The following MEIG1 variants were observed in gnomAD, a reference collection of about 807,000 sequenced individuals.
The protein encoded by MEIG1 is meiosis expressed gene 1 protein homolog.
A neutral mutation model predicts 11.3 loss-of-function variants in MEIG1; 12 were observed. That is an observed-to-expected ratio of 1.07 (90% CI 0.68 to 1.73). MEIG1 has a LOEUF of 1.73. Among genes scored for constraint, MEIG1 ranks in the 40% most tolerant of loss-of-function variants. The probability of loss-of-function intolerance (pLI) is 0.00; values close to 1 mark genes in which losing one functional copy is unlikely to be tolerated. For synonymous variants in MEIG1, 41 were observed against 33.2 expected (o/e 1.24, Z -0.81); for missense variants, 119 against 104.9 (o/e 1.13, Z -0.59).
chr10:14,956,437 C>G (rs1284289587), upstream of MEIG1, among the ~76,000 whole-genome samples: 2 of 150,682 alleles, frequency 1.3e-5, no homozygotes, highest in African/African-American at 4.9e-5. Flanking sequence ...AAAAAAATAG[C>G]CAGGCATGGA....
chr10:14,987,599 C>T, intron 2 of MEIG1: 1 of 542,598 alleles, frequency 1.8e-6, no homozygotes, highest in South Asian at 2.0e-5. Context: ...TTCCAAAAAT[C>T]TCAGAATTTT....
At chr10:14,979,798 C>A (rs936658632) in intron 1 of MEIG1, among the ~76,000 whole-genome samples, 1 of 152,010 alleles carries the variant, frequency 6.6e-6, no homozygotes, top group Admixed American at 6.6e-5. Context: ...ATGGTGTACA[C>A]CCTGTGATAT....
chr10:14,973,769 CAAAAAA>C (rs59507280), downstream of MEIG1, among the ~76,000 whole-genome samples: 5 of 90,468 alleles, frequency 5.5e-5, no homozygotes, highest in South Asian at 2.2e-3. Flanking sequence ...GACTCCATCT[CAAAAAA>C]AAAAAAAAAA....
chr10:14,973,273 A>G (rs558450413), downstream of MEIG1, among the ~76,000 whole-genome samples: 2 of 152,320 alleles, frequency 1.3e-5, no homozygotes, highest in Non-Finnish European at 2.9e-5. Context: ...AGATAGTCTT[A>G]GTGCTCCACC....
chr10:14,965,369 C>T (rs1293328509), intron 1 of MEIG1, among the ~76,000 whole-genome samples: 2 of 152,118 alleles, frequency 1.3e-5, no homozygotes, highest in Admixed American at 6.6e-5. Context: ...TATGGAAGTT[C>T]GGTGAATAGA....
chr10:14,981,384 C>T lies in MEIG1; in HGVS notation n.67-5412C>T, dbSNP rs1645176872. ...TCAGCTTGCTGAGCAAGTCCCTTCCCAGCAAGGTCAAGGGACGGTCTGGCA... is the reference window on the plus strand; with the variant it reads ...TCAGCTTGCTGAGCAAGTCCCTTCCTAGCAAGGTCAAGGGACGGTCTGGCA... On this transcript the variant is annotated intron_variant and non_coding_transcript_variant, in intron 1 of 2. Transcript: ENST00000467536. Among the ~76,000 whole-genome samples, 6 of 152,106 alleles carry T rather than the reference C, an allele frequency of 3.9e-5. 1 individual carries two copies. The South Asian group carries it at 1.2e-3, about 32-fold the overall frequency.
chr10:14,970,107 G>C (rs1361830360), intron 2 of MEIG1: 1 of 152,190 alleles, frequency 6.6e-6, no homozygotes, highest in Non-Finnish European at 1.5e-5. Flanking sequence ...GCTTGCTTTG[G>C]GTGGGATGTT....
chr10:14,974,630 A>T (rs537297231), downstream of MEIG1, among the ~76,000 whole-genome samples: 60 of 152,294 alleles, frequency 3.9e-4, no homozygotes, highest in African/African-American at 1.4e-3. Context: ...TGAGACTAAT[A>T]ACTATCAATA....
chr10:14,982,056 C>T (rs1357818815), intron 1 of MEIG1, among the ~76,000 whole-genome samples: 6 of 152,196 alleles, frequency 3.9e-5, no homozygotes, highest in Admixed American at 1.3e-4. Flanking sequence ...AGGTCTTCCG[C>T]GCTTTGATGG....
intron 1 of MEIG1, among the ~76,000 whole-genome samples, chr10:14,980,464 C>T (rs749471167): frequency 3.3e-5 from 5 of 152,070 alleles, no homozygotes; most frequent in Non-Finnish European, 7.4e-5. Flanking sequence ...GGAAATGTTA[C>T]CCCTAATATC....
upstream of MEIG1, among the ~76,000 whole-genome samples, chr10:14,956,707 C>A (rs1190374548): frequency 6.6e-6 from 1 of 152,216 alleles, no homozygotes; most frequent in African/African-American, 2.4e-5. Context: ...AAATCATTCA[C>A]TGACCATCTA....
rs1318392357 is a variant in MEIG1, at chr10:14,972,793, A to G, written c.*152A>G. 3 of 685,918 alleles carry G rather than the reference A, an allele frequency of 4.4e-6. No individual in the cohort carries two copies. Among genetic ancestry groups the G allele is most frequent in the Non-Finnish European group, 7.1e-6 (3 of 423,324 alleles). 42.5% of individuals were successfully genotyped at this position (685,918 alleles called of 1,614,324 possible). The stretch of plus-strand genomic sequence containing the variant: ...AAAGCCATGAGAATTGGTATCTGCT[A>G]ATCACCTTGTCCTGTTCTAAGAACT... On this transcript the variant is annotated 3_prime_UTR_variant, in exon 3 of 3. Coordinates refer to ENST00000407572, the MANE Select transcript of MEIG1 (RefSeq NM_001080836.3).
chr10:14,975,376 G>A (rs1343381043), downstream of MEIG1, among the ~76,000 whole-genome samples: 1 of 152,112 alleles, frequency 6.6e-6, no homozygotes, highest in Non-Finnish European at 1.5e-5. Context: ...AATATCCATG[G>A]AGAGGAGAGG....
At chr10:14,983,795 T>C (rs549844249) in intron 1 of MEIG1, among the ~76,000 whole-genome samples, 1 of 152,118 alleles carries the variant, frequency 6.6e-6, no homozygotes, top group East Asian at 1.9e-4. Context: ...CGGTCCTTAA[T>C]ATTCCAAGGG....
chr10:14,983,323 T>C (rs1843284058), intron 1 of MEIG1, among the ~76,000 whole-genome samples: 2 of 152,112 alleles, frequency 1.3e-5, no homozygotes, highest in Admixed American at 1.3e-4. Context: ...ACAACCCTTC[T>C]GTGACATCGT....
chr10:14,958,584 C>T (rs1564501818), upstream of MEIG1, among the ~76,000 whole-genome samples: 1 of 152,170 alleles, frequency 6.6e-6, no homozygotes, highest in Non-Finnish European at 1.5e-5. Flanking sequence ...TTGACAAGTC[C>T]TGATGGCTCT....
intron 1 of MEIG1, among the ~76,000 whole-genome samples, chr10:14,983,678 A>G (rs1195200777): frequency 1.3e-5 from 2 of 152,074 alleles, no homozygotes; most frequent in Non-Finnish European, 2.9e-5. Flanking sequence ...CCACGCCCCC[A>G]TCGCAGGAGG....
At chr10:14,967,919 A>G (rs1381699096) in intron 2 of MEIG1, among the ~76,000 whole-genome samples, 1 of 152,196 alleles carries the variant, frequency 6.6e-6, no homozygotes, top group Non-Finnish European at 1.5e-5. Context: ...ATTTCAACAA[A>G]TTTTTTGAAA....
At chr10:14,980,794 G>A (rs1843255526) in intron 1 of MEIG1, among the ~76,000 whole-genome samples, 1 of 152,124 alleles carries the variant, frequency 6.6e-6, no homozygotes, top group Admixed American at 6.6e-5. Flanking sequence ...CCTGACTCCG[G>A]ACCTTCCCAC....
Sources: allele counts gnomAD v4.1 joint callset (sites outside exome capture counted in the v4.1 genomes callset), GRCh38; gene constraint gnomAD v4.1.1; transcripts MANE v1.5; gene names NCBI Gene and HGNC (gene_info 2026-07-23, HGNC 2026-07-21).